Variants in IL1RAPL1 observed in about 807,000 individuals in gnomAD.
IL1RAPL1 encodes the protein interleukin 1 receptor accessory protein like 1, also known as interleukin-1 receptor accessory protein-like 1.
In IL1RAPL1, 3 loss-of-function variants were observed where a neutral mutation model predicts 48.4. That is an observed-to-expected ratio of 0.06 (90% CI 0.03 to 0.16). The LOEUF is 0.16. Among genes scored for constraint, IL1RAPL1 ranks in the 10% least tolerant of loss-of-function variants. The pLI, the probability that IL1RAPL1 is intolerant of heterozygous loss-of-function variation, is 1.00. For synonymous variants in IL1RAPL1, 185 were observed against 187.7 expected (o/e 0.99, Z 0.12); for missense variants, 349 against 530.6 (o/e 0.66, Z 3.36).
In IL1RAPL1 at chrX:29,773,134, C is replaced by T. The variant is rs141340949; in HGVS notation, c.778+104630C>T. ...ATTCTGAGGAAATATTCCAAGGCTGCATAAAGTGAATGAAGAGTTTCCTAC... is the reference window on the plus strand; with the variant it reads ...ATTCTGAGGAAATATTCCAAGGCTGTATAAAGTGAATGAAGAGTTTCCTAC... On this transcript the variant is annotated intron_variant, in intron 6 of 10. Transcript: ENST00000378993. Among the ~76,000 whole-genome samples, 739 of 112,520 alleles carry T rather than the reference C, an allele frequency of 6.6e-3. 6 individuals are homozygous for T. Among genetic ancestry groups the T allele is most frequent in the African/African-American group, 0.023 (705 of 31,029 alleles).
chrX:29,654,455 TCA>T (rs1259578771), intron 5 of IL1RAPL1, among the ~76,000 whole-genome samples: 1 of 112,181 alleles, frequency 8.9e-6, no homozygotes, highest in Non-Finnish European at 1.9e-5. Flanking sequence ...TCAGGAGGCC[TCA>T]CAATCATGGC....
chrX:28,592,894 T>A (rs1933919577), intron 1 of IL1RAPL1, among the ~76,000 whole-genome samples: 1 of 111,936 alleles, frequency 8.9e-6, no homozygotes. Context: ...ATTTTCTTGG[T>A]TTCCTATATT....
intron 2 of IL1RAPL1, among the ~76,000 whole-genome samples, chrX:28,948,948 A>G (rs1250872790): frequency 9.0e-6 from 1 of 111,643 alleles, no homozygotes; most frequent in East Asian, 2.8e-4. Flanking sequence ...TCCTTCTGAA[A>G]ATATCTTGTT....
intron 2 of IL1RAPL1, among the ~76,000 whole-genome samples, chrX:29,170,548 T>G (rs2651174): frequency 0.47 from 51,983 of 110,228 alleles, 9,221 homozygotes; most frequent in Non-Finnish European, 0.55. Context: ...CTTGTCAGTT[T>G]TGTTTTATGA....
At chrX:29,776,626 A>G (rs1929203875) in intron 6 of IL1RAPL1, among the ~76,000 whole-genome samples, 1 of 111,950 alleles carries the variant, frequency 8.9e-6, no homozygotes, top group Non-Finnish European at 1.9e-5. Flanking sequence ...AACTGAGGCA[A>G]TGCAGGCTGG....
rs1929056684 is a variant in IL1RAPL1 at position 29,133,165 on chromosome X, G to A, written c.83-149773G>A. 2.7e-5 allele frequency among the ~76,000 whole-genome samples: 3 copies of A among 111,415 alleles called. No homozygotes were observed. The Admixed American group carries it at 2.9e-4, about 11-fold the overall frequency. On this transcript the variant is annotated intron_variant, in intron 2 of 10. Coordinates refer to ENST00000378993, the MANE Select transcript of IL1RAPL1 (RefSeq NM_014271.4). Reference sequence around the variant, plus strand: ...ACTTCCCTGAATAAGAAGTCTCTAGGAGTATCTATCTACCAAAACCACTCA... The same window carrying A: ...ACTTCCCTGAATAAGAAGTCTCTAGAAGTATCTATCTACCAAAACCACTCA...
chrX:29,255,931 G>A (rs965955785), intron 2 of IL1RAPL1, among the ~76,000 whole-genome samples: 77 of 111,543 alleles, frequency 6.9e-4, no homozygotes, highest in African/African-American at 2.4e-3. Flanking sequence ...GAGTGCAGGT[G>A]TATTTTTGCT....
intron 6 of IL1RAPL1, among the ~76,000 whole-genome samples, chrX:29,844,577 AC>A (rs200054757): frequency 1.8e-5 from 2 of 112,164 alleles, no homozygotes; most frequent in Admixed American, 9.5e-5. Context: ...CTAAGAAAAA[AC>A]AAAACAATAA....
chrX:28,780,182 T>C (rs1936405356), intron 1 of IL1RAPL1, among the ~76,000 whole-genome samples: 1 of 111,282 alleles, frequency 9.0e-6, no homozygotes, highest in South Asian at 3.7e-4. Context: ...TCCCAGAGGC[T>C]CCACCTTTCC....
At chrX:29,840,801 A>G (rs932913028) in intron 6 of IL1RAPL1, among the ~76,000 whole-genome samples, 60 of 111,797 alleles carry the variant, frequency 5.4e-4, no homozygotes, top group African/African-American at 1.9e-3. Flanking sequence ...AAAGATTTTG[A>G]AGACTTCATT....
intron 6 of IL1RAPL1, among the ~76,000 whole-genome samples, chrX:29,727,645 C>A (rs1170438110): frequency 1.8e-5 from 2 of 111,389 alleles, no homozygotes; most frequent in Non-Finnish European, 3.8e-5. Flanking sequence ...TTTTGACTGA[C>A]CATACCTTTC....
chrX:29,923,781 A>G, intron 8 of IL1RAPL1, among the ~76,000 whole-genome samples: 1 of 111,059 alleles, frequency 9.0e-6, no homozygotes. Flanking sequence ...TACATTTTCC[A>G]TTTCTCTGAC....
At chrX:29,139,032 CTG>C (rs1929191953) in intron 2 of IL1RAPL1, among the ~76,000 whole-genome samples, 2 of 111,513 alleles carry the variant, frequency 1.8e-5, no homozygotes. Flanking sequence ...TGTAAAGAAA[CTG>C]TGGGAAAAGT....
chrX:29,303,193 G>T (rs936465191), intron 3 of IL1RAPL1, among the ~76,000 whole-genome samples: 1 of 111,743 alleles, frequency 8.9e-6, no homozygotes, highest in Non-Finnish European at 1.9e-5. Context: ...TTTGGGTGGG[G>T]CACTGACATA....
intron 2 of IL1RAPL1, among the ~76,000 whole-genome samples, chrX:29,258,134 C>T (rs1931786660): frequency 9.0e-6 from 1 of 110,688 alleles, no homozygotes; most frequent in Non-Finnish European, 1.9e-5. Flanking sequence ...ACTAAGTATA[C>T]ATGACTTATA....
chrX:29,669,378 A>G (rs1156947670), intron 6 of IL1RAPL1, among the ~76,000 whole-genome samples: 2 of 111,755 alleles, frequency 1.8e-5, no homozygotes, highest in Non-Finnish European at 3.8e-5. Context: ...TAGATTAATC[A>G]TACAAGAGTG....
chrX:29,920,808 A>T (rs1601884338), intron 8 of IL1RAPL1, among the ~76,000 whole-genome samples: 1 of 102,587 alleles, frequency 9.7e-6, no homozygotes, highest in East Asian at 2.9e-4. Context: ...AAAAAAAAAA[A>T]AAAAAAAAAA....
chrX:28,605,622 G>A (rs752452644), intron 1 of IL1RAPL1, among the ~76,000 whole-genome samples: 12 of 112,102 alleles, frequency 1.1e-4, no homozygotes, highest in Non-Finnish European at 1.9e-4. Context: ...CAATATAGCA[G>A]CTACGGTTGC....
At chrX:29,154,749 C>T (rs890092028) in intron 2 of IL1RAPL1, among the ~76,000 whole-genome samples, 12 of 110,893 alleles carry the variant, frequency 1.1e-4, no homozygotes, top group Middle Eastern at 4.7e-3. Context: ...TTATGAAGTT[C>T]GTGGTAAATG....
Sources: gnomAD v4.1 joint callset for allele counts (sites outside exome capture counted in the v4.1 genomes callset) on GRCh38, gnomAD v4.1.1 for gene constraint, MANE v1.5 for transcripts, NCBI Gene and HGNC (gene_info 2026-07-23, HGNC 2026-07-21) for gene names.